Variants in CNPY1 observed in about 807,000 individuals in gnomAD.
CNPY1 encodes the protein protein canopy homolog 1.
A neutral mutation model predicts 14.4 loss-of-function variants in CNPY1; 14 were observed. The ratio of observed to expected loss-of-function variants is 0.97; its 90% CI spans 0.64 to 1.52. The LOEUF is 1.52. CNPY1 is among the 40% of genes most tolerant of loss of function. The pLI, the probability that CNPY1 is intolerant of heterozygous loss-of-function variation, is 0.00. For synonymous variants in CNPY1, 43 were observed against 46.5 expected, an observed-to-expected ratio of 0.92 and a Z score of 0.31; for missense variants, 129 against 131.5, an observed-to-expected ratio of 0.98 and a Z score of 0.09.
At position 155,503,060 on chromosome 7, in the gene CNPY1, C is replaced by T. The variant is rs201094886; in HGVS notation, c.*8G>A. 61 of 1,607,084 alleles carry T rather than the reference C, an allele frequency of 3.8e-5. No homozygotes were observed. Among genetic ancestry groups the T allele is most frequent in the Admixed American group, 5.0e-5 (3 of 59,588 alleles). On this transcript the variant is annotated 3_prime_UTR_variant, in exon 5 of 5. Transcript: ENST00000636446. ...TTACTCCTCTCTACGACCAGCAGAA[C>T]GGCACTCCTAGAGCTCAGTATGATT...
chr7:155,504,728 A>ACACACACACAC (rs1389526148), intron 4 of CNPY1, among the ~76,000 whole-genome samples: 1 of 146,260 alleles, frequency 6.8e-6, no homozygotes, highest in African/African-American at 2.5e-5. Context: ...ACACACACAC[A>ACACACACACAC]GTCACATCTT....
chr7:155,516,119 T>A (rs1361998978), intron 2 of CNPY1, among the ~76,000 whole-genome samples: 1 of 152,120 alleles, frequency 6.6e-6, no homozygotes, highest in African/African-American at 2.4e-5. Flanking sequence ...ACTCATTCTG[T>A]GTCCAGGATT....
chr7:155,540,890 G>T (rs1204523154), intron 2 of CNPY1, among the ~76,000 whole-genome samples: 2 of 152,228 alleles, frequency 1.3e-5, no homozygotes, highest in Non-Finnish European at 2.9e-5. Flanking sequence ...AGAGGAGACA[G>T]GTAAGCAAAT....
rs77916266 is a variant in CNPY1, at chr7:155,521,805, C to T, written c.100-12708G>A. ...AGAGTGGTGGCAGGGGCCTGGCACC[C>T]GGCACCCTGAGCTATGGACTATGTT... On this transcript the variant is annotated intron_variant, in intron 2 of 4. Transcript: ENST00000636446. 1.8e-3 allele frequency among the ~76,000 whole-genome samples: 281 copies of T among 152,316 alleles called. 3 individuals carry two copies. The highest frequency in any genetic ancestry group is 6.3e-3 in the African/African-American group (260 of 41,578).
chr7:155,501,681 G>A lies in CNPY1; in HGVS notation c.*1387C>T, dbSNP rs1302742835. The A allele has an allele frequency of 1.3e-5, 2 of 152,206 alleles. No homozygotes were observed. The highest frequency in any genetic ancestry group is 2.9e-5 in the Non-Finnish European group (2 of 68,032). The allele number at this position is 152,206 out of a possible 1,614,324, so 9.4% of individuals were successfully genotyped here. On this transcript the variant is annotated 3_prime_UTR_variant, in exon 5 of 5. Transcript: ENST00000636446. Reference sequence around the variant, plus strand: ...TTGTCCTACCCTACTGGAAAATAGTGTTAATTATTATTCAGTTCTATTTCC... The same window carrying A: ...TTGTCCTACCCTACTGGAAAATAGTATTAATTATTATTCAGTTCTATTTCC...
intron 2 of CNPY1, among the ~76,000 whole-genome samples, chr7:155,535,595 A>G (rs1797014356): frequency 6.6e-6 from 1 of 152,204 alleles, no homozygotes; most frequent in Admixed American, 6.5e-5. Flanking sequence ...GGTCCAACCA[A>G]CTGCCTCCCC....
At chr7:155,532,271 G>A (rs1464968769) in intron 2 of CNPY1, among the ~76,000 whole-genome samples, 1 of 152,190 alleles carries the variant, frequency 6.6e-6, no homozygotes, top group East Asian at 1.9e-4. Flanking sequence ...GTGTCTTCCT[G>A]TAGGTCACTG....
At chr7:155,541,129 A>G (rs80179322) in intron 2 of CNPY1, among the ~76,000 whole-genome samples, 11 of 152,152 alleles carry the variant, frequency 7.2e-5, no homozygotes, top group Admixed American at 7.2e-4. Flanking sequence ...CCTGTCCCCA[A>G]CAGCCCCAGG....
chr7:155,506,138 G>T (rs894017950), intron 4 of CNPY1, among the ~76,000 whole-genome samples: 6 of 152,146 alleles, frequency 3.9e-5, no homozygotes, highest in Non-Finnish European at 7.3e-5. Context: ...ATGGATGTAG[G>T]TGTATTATAT....
rs1171407448 is a variant in CNPY1 at position 155,503,022 on chromosome 7, T to C, written c.*46A>G. 2 of 1,561,604 alleles carry C rather than the reference T, an allele frequency of 1.3e-6. No homozygotes were observed. Among genetic ancestry groups the C allele is most frequent in the Middle Eastern group, 1.7e-4 (1 of 5,888 alleles). ...CAAACATAAAATGCAGACATTGACC[T>C]TTGGGTGTGACTTTACTCCTCTCTA... On this transcript the variant is annotated 3_prime_UTR_variant, in exon 5 of 5. Transcript: ENST00000636446.
intron 2 of CNPY1, among the ~76,000 whole-genome samples, chr7:155,534,989 G>T (rs1797006693): frequency 6.6e-6 from 1 of 152,190 alleles, no homozygotes. Flanking sequence ...CCCAGCTTGG[G>T]GAAAGGGAGG....
intron 2 of CNPY1, among the ~76,000 whole-genome samples, chr7:155,532,048 C>T (rs1464106673): frequency 2.6e-5 from 4 of 152,240 alleles, no homozygotes; most frequent in Non-Finnish European, 4.4e-5. Flanking sequence ...GCAAGATATG[C>T]GTCAGCATCT....
chr7:155,536,917 A>C lies in CNPY1; in HGVS notation c.99+8914T>G, dbSNP rs1032735269. Among the ~76,000 whole-genome samples, 2 of 152,248 alleles carry C rather than the reference A, an allele frequency of 1.3e-5. No individual in the cohort carries two copies. The highest frequency in any genetic ancestry group is 2.9e-5 in the Non-Finnish European group (2 of 68,046). Reference sequence around the variant, plus strand: ...AATGAGTGATGGTGTTTCTCTTTTTAAATAAGATAAAAGAGAAATAAAATA... The same window carrying C: ...AATGAGTGATGGTGTTTCTCTTTTTCAATAAGATAAAAGAGAAATAAAATA... On this transcript the variant is annotated intron_variant, in intron 2 of 4. Coordinates refer to ENST00000636446, the MANE Select transcript of CNPY1 (RefSeq NM_001393663.1). This position sits in a 1 kb window ranked among gnomAD's most constrained non-coding sequence, Gnocchi z 4.1.
At chr7:155,506,550 C>T (rs11981876) in intron 4 of CNPY1, 5,808 of 100,326 alleles carry the variant, frequency 0.058, 366 homozygotes, top group African/African-American at 0.26. Flanking sequence ...CCAGCATCCC[C>T]CCAAACAAAC....
At position 155,536,159 on chromosome 7, in the gene CNPY1, T is replaced by C. The variant is rs1320531396; in HGVS notation, c.99+9672A>G. On this transcript the variant is annotated intron_variant, in intron 2 of 4. Coordinates refer to ENST00000636446, the MANE Select transcript of CNPY1 (RefSeq NM_001393663.1). This position sits in a 1 kb window ranked among gnomAD's most constrained non-coding sequence, Gnocchi z 4.1. ...GCCATTTGAAATGGGATGCTGTAAA[T>C]CCATGGCATGCAGTGGTGAAACAGG... is the stretch of plus-strand genomic sequence containing the variant. 6.6e-6 allele frequency among the ~76,000 whole-genome samples: 1 copy of C among 152,050 alleles called. No homozygotes were observed. The highest frequency in any genetic ancestry group is 1.5e-5 in the Non-Finnish European group (1 of 68,016).
intron 4 of CNPY1, among the ~76,000 whole-genome samples, chr7:155,503,726 G>A (rs967450391): frequency 6.6e-6 from 1 of 152,070 alleles, no homozygotes; most frequent in East Asian, 1.9e-4. Flanking sequence ...ATCTTCATAC[G>A]CTGCATTTGA....
rs959153486 is a variant in CNPY1 at position 155,502,224 on chromosome 7, C to A, written c.*844G>T. 27 of 152,110 alleles carry A rather than the reference C, an allele frequency of 1.8e-4. No homozygotes were observed. Among genetic ancestry groups the A allele is most frequent in the African/African-American group, 6.5e-4 (27 of 41,422 alleles). 9.4% of individuals were successfully genotyped at this position (152,110 alleles called of 1,614,324 possible). On this transcript the variant is annotated 3_prime_UTR_variant, in exon 5 of 5. Coordinates refer to ENST00000636446, the MANE Select transcript of CNPY1 (RefSeq NM_001393663.1). ...AAGATAATTTCCCACCAGGTCCCAA[C>A]TCTTTTTCCATTCCTGTAGAAGAAT...
rs531217664 is a variant in CNPY1, at chr7:155,533,500, G to T, written c.99+12331C>A. Among the ~76,000 whole-genome samples the T allele has an allele frequency of 3.9e-5, 6 of 152,324 alleles. 1 individual carries two copies. In the South Asian group the frequency reaches 1.2e-3, roughly 32 times the overall value. Reference sequence around the variant, plus strand: ...GCCTCAGAATGACAGCGAGGTGCACGCTCCGGCCCGCGCAGAGCGGGGCCA... The same window carrying T: ...GCCTCAGAATGACAGCGAGGTGCACTCTCCGGCCCGCGCAGAGCGGGGCCA... On this transcript the variant is annotated intron_variant, in intron 2 of 4. Coordinates refer to ENST00000636446, the MANE Select transcript of CNPY1 (RefSeq NM_001393663.1).
intron 3 of CNPY1, among the ~76,000 whole-genome samples, 192 bp from the exon 4 acceptor site, chr7:155,507,308 C>G (rs573442388): frequency 6.6e-6 from 1 of 151,908 alleles, no homozygotes; most frequent in East Asian, 1.9e-4. Context: ...TTAATTGCAT[C>G]ATTTTCCTGG....
Sources: allele counts gnomAD v4.1 joint callset (sites outside exome capture counted in the v4.1 genomes callset), GRCh38; gene constraint gnomAD v4.1.1; non-coding constraint Gnocchi (gnomAD v3.1); transcripts MANE v1.5; gene names NCBI Gene and HGNC (gene_info 2026-07-23, HGNC 2026-07-21).